The following EXOC4 variants were observed in gnomAD, a reference collection of about 807,000 sequenced individuals.
EXOC4 encodes SEC8-like 1.
In EXOC4, 71 loss-of-function variants were observed where a neutral mutation model predicts 107.2. The ratio of observed to expected loss-of-function variants is 0.66; its 90% CI spans 0.55 to 0.81. The LOEUF (loss-of-function observed/expected upper bound fraction) is 0.81, where lower values mean the gene tolerates loss of function less well. Among genes scored for constraint, EXOC4 ranks in the 30% least tolerant of loss-of-function variants. The pLI is 0.00. For missense variants in EXOC4, 1,108 were observed against 1,189.6 expected, an observed-to-expected ratio of 0.93 and a Z score of 1.01; for synonymous variants, 456 against 441.2, an observed-to-expected ratio of 1.03 and a Z score of -0.42.
rs138119832 is a variant in EXOC4, at chr7:133,254,409, C to T, written c.86+1222C>T. Among the ~76,000 whole-genome samples the T allele has an allele frequency of 3.9e-5, 6 of 152,286 alleles. 1 individual carries two copies. The highest frequency in any genetic ancestry group is 6.8e-3 in the Middle Eastern group (2 of 294). ...GGCCCACATTCTCGCTGTGACAATA[C>T]GCAGGTAGTGTAGATGTATCTCATG... On this transcript the variant is annotated intron_variant, in intron 1 of 17. Transcript: ENST00000253861.
chr7:133,828,721 A>G (rs557095234), intron 11 of EXOC4, among the ~76,000 whole-genome samples: 1 of 152,236 alleles, frequency 6.6e-6, no homozygotes, highest in Non-Finnish European at 1.5e-5. Flanking sequence ...AACAAGAGTG[A>G]CATGACACAG....
At chr7:133,718,361 T>G (rs1382521246) in intron 10 of EXOC4, among the ~76,000 whole-genome samples, 1 of 152,174 alleles carries the variant, frequency 6.6e-6, no homozygotes, top group African/African-American at 2.4e-5. Context: ...AGAGAAGTTG[T>G]CTGAGAATGT....
chr7:133,538,959 G>GT (rs67526258), intron 9 of EXOC4, among the ~76,000 whole-genome samples: 144,163 of 145,450 alleles, frequency 0.99, 71,455 homozygotes, highest in South Asian at 1. Flanking sequence ...AATAGCTTGG[G>GT]TTTTTTTTTT....
Position 133,304,155 on chromosome 7 carries a change from A to C in EXOC4, c.472-1722A>C, listed in dbSNP as rs532620289. Among the ~76,000 whole-genome samples, 6 of 152,352 alleles carry C rather than the reference A, an allele frequency of 3.9e-5. No individual in the cohort carries two copies. In the South Asian group the frequency reaches 1.2e-3, roughly 32 times the overall value. The stretch of plus-strand genomic sequence containing the variant: ...TTTAATTACCTTAAGGGATAAGGCT[A>C]CGTGATGGGCCAGTGGTTTACCAAA... On this transcript the variant is annotated intron_variant, in intron 3 of 17. Coordinates refer to ENST00000253861, the MANE Select transcript of EXOC4 (RefSeq NM_021807.4).
chr7:133,351,171 T>C (rs1795901313), intron 5 of EXOC4, among the ~76,000 whole-genome samples: 1 of 152,040 alleles, frequency 6.6e-6, no homozygotes, highest in South Asian at 2.1e-4. Context: ...TTTGTAGTTT[T>C]ATTATACTGC....
chr7:133,494,612 A>G (rs1380006788), intron 9 of EXOC4, among the ~76,000 whole-genome samples: 1 of 152,194 alleles, frequency 6.6e-6, no homozygotes, highest in African/African-American at 2.4e-5. Flanking sequence ...TTTTTCCATA[A>G]GAATTCTTTA....
At chr7:133,488,967 A>G (rs1799320786) in intron 9 of EXOC4, among the ~76,000 whole-genome samples, 1 of 148,650 alleles carries the variant, frequency 6.7e-6, no homozygotes, top group Admixed American at 6.8e-5. Context: ...ATATAAATCT[A>G]ATATCTTACA....
chr7:133,645,086 CTTTTTTTT>C (rs35058872), intron 10 of EXOC4, among the ~76,000 whole-genome samples: 3 of 123,966 alleles, frequency 2.4e-5, no homozygotes, highest in Non-Finnish European at 4.9e-5. Flanking sequence ...CTTCTGCCAC[CTTTTTTTT>C]TTTTTTTTTT....
chr7:133,383,573 G>A (rs1253648433), intron 7 of EXOC4, among the ~76,000 whole-genome samples: 1 of 152,158 alleles, frequency 6.6e-6, no homozygotes, highest in African/African-American at 2.4e-5. Flanking sequence ...TTGCTGTCAG[G>A]TAAGAGAATC....
At chr7:133,313,107 A>G (rs1475719936) in intron 4 of EXOC4, among the ~76,000 whole-genome samples, 1 of 146,264 alleles carries the variant, frequency 6.8e-6, no homozygotes, top group African/African-American at 2.5e-5. Context: ...TTTTCTGTTT[A>G]CATATGTTGG....
chr7:133,969,774 G>C (rs1203399023), intron 14 of EXOC4, among the ~76,000 whole-genome samples: 1 of 152,178 alleles, frequency 6.6e-6, no homozygotes, highest in East Asian at 1.9e-4. Context: ...GGTGTCTGTC[G>C]ACCCCTGCTG....
At chr7:133,629,101 G>A (rs1284465478) in intron 9 of EXOC4, among the ~76,000 whole-genome samples, 1 of 152,128 alleles carries the variant, frequency 6.6e-6, no homozygotes, top group African/African-American at 2.4e-5. Flanking sequence ...TATTGAATGT[G>A]CCTGAGAGGT....
At chr7:133,402,589 T>G (rs373233671) in intron 7 of EXOC4, among the ~76,000 whole-genome samples, 2 of 151,722 alleles carry the variant, frequency 1.3e-5, no homozygotes, top group South Asian at 4.2e-4. Flanking sequence ...ACCTCCGCCT[T>G]CCAGGTTCAA....
At chr7:133,372,450 A>C (rs921185104) in intron 6 of EXOC4, among the ~76,000 whole-genome samples, 31 of 152,196 alleles carry the variant, frequency 2.0e-4, no homozygotes, top group Admixed American at 4.6e-4. Context: ...GAGTGGCAGA[A>C]ACTGGAACTG....
chr7:133,664,016 T>A (rs1330880993), intron 10 of EXOC4, among the ~76,000 whole-genome samples: 2 of 152,174 alleles, frequency 1.3e-5, no homozygotes, highest in Non-Finnish European at 2.9e-5. Context: ...CCAGCCACAC[T>A]GGCCTCTCAG....
chr7:133,571,875 A>C (rs746662946), intron 9 of EXOC4, among the ~76,000 whole-genome samples: 1 of 152,168 alleles, frequency 6.6e-6, no homozygotes, highest in Non-Finnish European at 1.5e-5. Flanking sequence ...TTGTTTTTCT[A>C]AGTAACATAA....
At chr7:133,830,308 A>G (rs1797782098) in intron 11 of EXOC4, among the ~76,000 whole-genome samples, 1 of 152,220 alleles carries the variant, frequency 6.6e-6, no homozygotes, top group Non-Finnish European at 1.5e-5. Context: ...GTGTTTGCCC[A>G]TGGCTTCTGA....
chr7:133,582,278 A>G (rs956294896), intron 9 of EXOC4, among the ~76,000 whole-genome samples: 2 of 152,196 alleles, frequency 1.3e-5, no homozygotes, highest in African/African-American at 4.8e-5. Flanking sequence ...AATGGCCTCC[A>G]GTTCTATCCA....
chr7:133,504,416 A>G (rs1014735971), intron 9 of EXOC4, among the ~76,000 whole-genome samples: 1 of 152,122 alleles, frequency 6.6e-6, no homozygotes, highest in Admixed American at 6.6e-5. Context: ...ACAGTTTGAT[A>G]TAGCTCAATT....
Sources: gnomAD v4.1 joint callset for allele counts (sites outside exome capture counted in the v4.1 genomes callset) on GRCh38, gnomAD v4.1.1 for gene constraint, MANE v1.5 for transcripts, NCBI Gene and HGNC (gene_info 2026-07-23, HGNC 2026-07-21) for gene names.